Variants in PDZD2 observed in about 807,000 individuals in gnomAD.
The protein encoded by PDZD2 is PDZ domain-containing protein 2.
In PDZD2, 90 loss-of-function variants were observed where a neutral mutation model predicts 220.7. That is an observed-to-expected ratio of 0.41 (90% CI 0.34 to 0.49). The LOEUF (loss-of-function observed/expected upper bound fraction) is 0.49. PDZD2 is among the 20% of genes least tolerant of loss of function. The pLI is 0.28. For missense variants in PDZD2, 3,174 were observed against 3,608.5 expected, an observed-to-expected ratio of 0.88 and a Z score of 3.08; for synonymous variants, 1,375 against 1,450.5, an observed-to-expected ratio of 0.95 and a Z score of 1.18.
At position 32,000,319 on chromosome 5, in the gene PDZD2, T is replaced by G. The variant is rs1581244177; in HGVS notation, c.1254+48T>G. Reference sequence around the variant, plus strand: ...TACTCGTAATGGTGGCAGTGGTGAGTTGGGGTTGAGCCCCACCTCCCATGC... The same window carrying G: ...TACTCGTAATGGTGGCAGTGGTGAGGTGGGGTTGAGCCCCACCTCCCATGC... On this transcript the variant is annotated intron_variant, in intron 5 of 24. Transcript: ENST00000438447. The surrounding 1 kb of genome is among the most constrained non-coding windows in gnomAD (Gnocchi z 4.5). 1.3e-6 allele frequency: 2 copies of G among 1,598,648 alleles called. No individual in the cohort carries two copies. The highest frequency in any genetic ancestry group is 1.7e-6 in the Non-Finnish European group (2 of 1,166,416).
At chr5:31,675,223 C>T (rs190306499) in intron 1 of PDZD2, among the ~76,000 whole-genome samples, 5 of 152,318 alleles carry the variant, frequency 3.3e-5, no homozygotes, top group African/African-American at 1.2e-4. Context: ...TCTCATTGTG[C>T]AGCTCTTTGC....
rs1378099244 is a variant in PDZD2, at chr5:31,841,507, A to C, written c.476+41783A>C. ...GGCTAACATGGTGAAACCCCGTCTC[A>C]ACTGAAAATACAAAAATTAGCCAGA... On this transcript the variant is annotated intron_variant, in intron 2 of 24. Transcript: ENST00000438447. Among the ~76,000 whole-genome samples, 3 of 151,822 alleles carry C rather than the reference A, an allele frequency of 2.0e-5. No homozygotes were observed. The East Asian group carries it at 5.8e-4, about 29-fold the overall frequency.
chr5:31,694,357 A>G (rs933576897), intron 1 of PDZD2, among the ~76,000 whole-genome samples: 5 of 152,178 alleles, frequency 3.3e-5, no homozygotes, highest in African/African-American at 1.2e-4. Flanking sequence ...GCGTCACTGT[A>G]CTGTAGCCTG....
At chr5:32,056,520 A>G (rs1458018654) in intron 10 of PDZD2, among the ~76,000 whole-genome samples, 2 of 152,236 alleles carry the variant, frequency 1.3e-5, no homozygotes, top group African/African-American at 2.4e-5. Flanking sequence ...AAAGCAGGCC[A>G]TGTCACAAGA....
chr5:31,960,423 T>G (rs939234570), intron 2 of PDZD2, among the ~76,000 whole-genome samples: 4 of 152,178 alleles, frequency 2.6e-5, no homozygotes, highest in Non-Finnish European at 4.4e-5. Context: ...TTGGTCAGGC[T>G]GGTCTCGAAC....
chr5:31,763,633 A>G (rs1689300480), intron 1 of PDZD2, among the ~76,000 whole-genome samples: 1 of 152,102 alleles, frequency 6.6e-6, no homozygotes, highest in Non-Finnish European at 1.5e-5. Context: ...AAAGCAGAAG[A>G]GGTAGCCCCA....
At chr5:31,894,754 A>G (rs1186316280) in intron 2 of PDZD2, among the ~76,000 whole-genome samples, 1 of 152,228 alleles carries the variant, frequency 6.6e-6, no homozygotes, top group African/African-American at 2.4e-5. Flanking sequence ...GTATGGCTGT[A>G]TCCTCAGCCC....
intron 2 of PDZD2, among the ~76,000 whole-genome samples, chr5:31,806,275 C>T (rs981589499): frequency 2.0e-5 from 3 of 152,102 alleles, no homozygotes; most frequent in African/African-American, 7.2e-5. Context: ...TTGCTTACTT[C>T]AAAAATTAGT....
At chr5:32,105,196 G>A (rs1157642761) in intron 24 of PDZD2, among the ~76,000 whole-genome samples, 1 of 152,112 alleles carries the variant, frequency 6.6e-6, no homozygotes, top group East Asian at 1.9e-4. Context: ...ATATAATTCA[G>A]TAAGAAAAAT....
chr5:31,943,795 T>C (rs1746410523), intron 2 of PDZD2, among the ~76,000 whole-genome samples: 1 of 152,210 alleles, frequency 6.6e-6, no homozygotes, highest in Admixed American at 6.5e-5. Flanking sequence ...TAAACATCTG[T>C]CTATCTTAAC....
intron 23 of PDZD2, chr5:32,100,891 C>G (rs528627713): frequency 6.3e-7 from 1 of 1,584,128 alleles, no homozygotes; most frequent in East Asian, 2.3e-5. Context: ...GCAAGTACAG[C>G]AGCAACACAG....
chr5:32,091,214 G>A, intron 20 of PDZD2, 39 bp downstream of exon 20: 1 of 1,335,788 alleles, frequency 7.5e-7, no homozygotes, highest in Non-Finnish European at 9.9e-7. Flanking sequence ...AGATAAACTT[G>A]TTTCATTTTG....
rs114398796 is a variant in PDZD2, at chr5:31,779,153, C to G, written c.-360-19736C>G. On this transcript the variant is annotated intron_variant, in intron 1 of 24. Transcript: ENST00000438447. ...CTCTGCCCCAAACTACACCTGTACA[C>G]TAACTCCCAGCCCCACCACTGCACA... is the stretch of plus-strand genomic sequence containing the variant. Among the ~76,000 whole-genome samples, 836 of 152,152 alleles carry G rather than the reference C, an allele frequency of 5.5e-3. 13 individuals carry two copies. The highest frequency in any genetic ancestry group is 0.035 in the South Asian group (167 of 4,814).
rs994296933 is a variant in PDZD2 at position 32,103,087 on chromosome 5, A to G, written c.8353+1848A>G. 2.6e-5 allele frequency among the ~76,000 whole-genome samples: 4 copies of G among 151,934 alleles called. No individual in the cohort carries two copies. The East Asian group carries it at 7.7e-4, about 29-fold the overall frequency. On this transcript the variant is annotated intron_variant, in intron 24 of 24. Transcript: ENST00000438447. The stretch of plus-strand genomic sequence containing the variant: ...ATAGGGAAATAAAGAGATGACTACA[A>G]AAAGGTAATGAAAGAGTTCCAGAAG...
At chr5:32,106,886 T>C (rs1472443625) in intron 24 of PDZD2, among the ~76,000 whole-genome samples, 2 of 152,252 alleles carry the variant, frequency 1.3e-5, no homozygotes, top group Non-Finnish European at 2.9e-5. Flanking sequence ...GTGAGGTCTC[T>C]CTTCTAATGT....
In PDZD2 at chr5:32,089,669, AAGG is replaced by A. The variant is rs769550377; in HGVS notation, c.6225_6227del (p.Gly2076del). On this transcript the variant is annotated inframe_deletion, in exon 20 of 25. Coordinates refer to ENST00000438447, the MANE Select transcript of PDZD2 (RefSeq NM_178140.4). ...GCCCAACCCAGGCCGACTGGCGAAA[AAGG>A]AGGCAACATAATGGCCAGCGATCGC... The A allele has an allele frequency of 4.3e-6, 7 of 1,614,194 alleles. No individual in the cohort carries two copies. Among genetic ancestry groups the A allele is most frequent in the Middle Eastern group, 1.6e-4 (1 of 6,062 alleles).
chr5:32,053,157 C>T (rs1738750734), intron 9 of PDZD2, among the ~76,000 whole-genome samples: 1 of 152,172 alleles, frequency 6.6e-6, no homozygotes, highest in South Asian at 2.1e-4. Flanking sequence ...TAAGGAGTCA[C>T]CAGCACTTGG....
Position 32,110,447 on chromosome 5 carries a change from C to G in PDZD2, c.*2312C>G, listed in dbSNP as rs1439552185. The stretch of plus-strand genomic sequence containing the variant: ...CTTTGACCCTAAGATAGATAGAAAG[C>G]TATTTATTTGTCTTCAGTGTTCAAG... On this transcript the variant is annotated 3_prime_UTR_variant, in exon 25 of 25. Transcript: ENST00000438447. 22 of 152,610 alleles carry G rather than the reference C, an allele frequency of 1.4e-4. No homozygotes were observed. The highest frequency in any genetic ancestry group is 1.4e-3 in the Admixed American group (22 of 15,272). 9.5% of individuals were successfully genotyped at this position (152,610 alleles called of 1,614,324 possible). A position where few individuals can be genotyped will look rare whatever the true frequency, so the allele number is the denominator to read the frequency against.
At position 32,107,066 on chromosome 5, in the gene PDZD2, C is replaced by A. The variant is rs1456254234; in HGVS notation, c.8354-903C>A. Among the ~76,000 whole-genome samples, 7 of 152,318 alleles carry A rather than the reference C, an allele frequency of 4.6e-5. No individual in the cohort carries two copies. In the South Asian group the frequency reaches 1.4e-3, roughly 32 times the overall value. ...TCTGCTCAGTCTTTTGAGGTCTAAT[C>A]AAAATTTCTGAGAAAATTTTTTTCA... is the stretch of plus-strand genomic sequence containing the variant. On this transcript the variant is annotated intron_variant, in intron 24 of 24. Coordinates refer to ENST00000438447, the MANE Select transcript of PDZD2 (RefSeq NM_178140.4).
Sources: allele counts gnomAD v4.1 joint callset (sites outside exome capture counted in the v4.1 genomes callset), GRCh38; gene constraint gnomAD v4.1.1; non-coding constraint Gnocchi (gnomAD v3.1); transcripts MANE v1.5; gene names NCBI Gene and HGNC (gene_info 2026-07-23, HGNC 2026-07-21).